Variants in COL14A1 observed in about 807,000 individuals in gnomAD.
COL14A1 encodes collagen type XIV alpha 1 chain.
A neutral mutation model predicts 230.3 loss-of-function variants in COL14A1; 136 were observed. The ratio of observed to expected loss-of-function variants is 0.59; its 90% CI spans 0.51 to 0.68. The LOEUF (loss-of-function observed/expected upper bound fraction) is 0.68. Among genes scored for constraint, COL14A1 ranks in the 30% least tolerant of loss-of-function variants. The probability of loss-of-function intolerance (pLI) is 0.00; values close to 1 mark genes in which losing one functional copy is unlikely to be tolerated. For missense variants in COL14A1, 1,976 were observed against 2,215.8 expected, an observed-to-expected ratio of 0.89 and a Z score of 2.17; for synonymous variants, 792 against 784.1, an observed-to-expected ratio of 1.01 and a Z score of -0.17.
At chr8:120,157,000 G>A (rs1025810135) in intron 2 of COL14A1, among the ~76,000 whole-genome samples, 7 of 152,162 alleles carry the variant, frequency 4.6e-5, no homozygotes, top group African/African-American at 1.7e-4. Flanking sequence ...TTTCCATGAA[G>A]TATTAACTTT....
chr8:120,163,011 G>A (rs1815735800), intron 4 of COL14A1, among the ~76,000 whole-genome samples: 1 of 152,176 alleles, frequency 6.6e-6, no homozygotes, highest in African/African-American at 2.4e-5. Flanking sequence ...TTACAGGCCT[G>A]GCATATAATG....
chr8:120,259,807 G>A (rs553520906), intron 23 of COL14A1, among the ~76,000 whole-genome samples: 5 of 152,204 alleles, frequency 3.3e-5, no homozygotes, highest in African/African-American at 1.2e-4. Flanking sequence ...TATGATCCAC[G>A]CATAAAATTC....
In COL14A1 at chr8:120,263,702, C is replaced by T. The variant is rs147964476; in HGVS notation, c.3016+688C>T. ...TATGTTGAATTTAAACTTGAAATTCCGGGAGGATTTGTGTCTGAATAGGTG... is the reference window on the plus strand; with the variant it reads ...TATGTTGAATTTAAACTTGAAATTCTGGGAGGATTTGTGTCTGAATAGGTG... On this transcript the variant is annotated intron_variant, in intron 24 of 47. Coordinates refer to ENST00000297848, the MANE Select transcript of COL14A1 (RefSeq NM_021110.4). Among the ~76,000 whole-genome samples, 9 of 151,814 alleles carry T rather than the reference C, an allele frequency of 5.9e-5. No individual in the cohort carries two copies. The East Asian group carries it at 9.7e-4, about 16-fold the overall frequency.
intron 1 of COL14A1, among the ~76,000 whole-genome samples, chr8:120,146,417 A>G (rs1222389594): frequency 6.8e-6 from 1 of 147,882 alleles, no homozygotes; most frequent in Non-Finnish European, 1.5e-5. Context: ...TTTTAAGCCA[A>G]ATTCAGCAAC....
At chr8:120,324,318 T>C (rs1821577551) in intron 40 of COL14A1, among the ~76,000 whole-genome samples, 1 of 152,210 alleles carries the variant, frequency 6.6e-6, no homozygotes, top group African/African-American at 2.4e-5. Context: ...TGTGCATATA[T>C]ACATATACAT....
chr8:120,184,490 A>G (rs1816583943), intron 5 of COL14A1, among the ~76,000 whole-genome samples: 1 of 152,020 alleles, frequency 6.6e-6, no homozygotes, highest in Non-Finnish European at 1.5e-5. Context: ...GCTGGCCTCA[A>G]GTGACCTGCC....
chr8:120,370,721 TCCTCTC>T, intron 47 of COL14A1: 2 of 1,400,502 alleles, frequency 1.4e-6, no homozygotes, highest in Non-Finnish European at 1.9e-6. Flanking sequence ...TCTTCCTCCT[TCCTCTC>T]CCCACACAGG....
At chr8:120,274,057 G>A (rs1700174568) in intron 26 of COL14A1, among the ~76,000 whole-genome samples, 1 of 151,758 alleles carries the variant, frequency 6.6e-6, no homozygotes. Context: ...CATCCCTTGT[G>A]AACATAGACG....
chr8:120,207,852 A>C (rs1817489358), intron 10 of COL14A1, among the ~76,000 whole-genome samples: 1 of 152,160 alleles, frequency 6.6e-6, no homozygotes, highest in South Asian at 2.1e-4. Flanking sequence ...AAAAAAAAAA[A>C]AAAAGATCCG....
chr8:120,161,217 A>C (rs1459974650), intron 3 of COL14A1, among the ~76,000 whole-genome samples: 1 of 152,350 alleles, frequency 6.6e-6, no homozygotes, highest in South Asian at 2.1e-4. Context: ...TATTAATTTT[A>C]TTGGCATATG....
At chr8:120,164,384 G>T (rs369449994) in intron 4 of COL14A1, among the ~76,000 whole-genome samples, 85 of 152,200 alleles carry the variant, frequency 5.6e-4, no homozygotes, top group African/African-American at 1.9e-3. Context: ...GTGCAGCAAT[G>T]TTCTATCTAG....
At position 120,158,237 on chromosome 8, in the gene COL14A1, C is replaced by T; in HGVS notation, c.196C>T (p.Pro66Ser). ...TGGTGGTTACAAACTTCTTGTGACT[C>T]CAACTTCAGGTAAAAACAATTGACT... is the stretch of plus-strand genomic sequence containing the variant. ...KFGGYKLLVT[P>S]TSGGKTNQLN... is the part of the protein sequence containing the mutation. The change falls in exon 3 of 48, where the codon CCA becomes TCA. Residue 66 changes from proline to serine, a missense_variant. Pro to Ser is a moderately conservative substitution (Grantham distance 74). This residue lies in a region of COL14A1 where 181 missense variants were observed against 178.6 expected (regional missense o/e 1.01). Transcript: ENST00000297848. 4 of 1,575,894 alleles carry T rather than the reference C, an allele frequency of 2.5e-6. No homozygotes were observed. In the South Asian group the frequency reaches 3.3e-5, roughly 13 times the overall value.
intron 29 of COL14A1, among the ~76,000 whole-genome samples, chr8:120,280,468 G>A (rs568623573): frequency 6.6e-6 from 1 of 152,288 alleles, no homozygotes; most frequent in Non-Finnish European, 1.5e-5. Context: ...GCTCTCAGGT[G>A]ATAACCACTG....
chr8:120,341,448 C>A, intron 43 of COL14A1, 88 bp downstream of exon 43: 1 of 1,306,808 alleles, frequency 7.7e-7, no homozygotes, highest in Non-Finnish European at 1.1e-6. Flanking sequence ...CATTTAATAC[C>A]ATTAATATTC....
chr8:120,369,144 G>A (rs1823503659), intron 46 of COL14A1, among the ~76,000 whole-genome samples, 186 bp from the exon 47 acceptor site: 1 of 152,236 alleles, frequency 6.6e-6, no homozygotes, highest in Admixed American at 6.5e-5. Context: ...AGGAGGATAA[G>A]TGATTACACT....
intron 5 of COL14A1, among the ~76,000 whole-genome samples, chr8:120,191,109 C>T (rs1816809092): frequency 7.2e-6 from 1 of 137,986 alleles, no homozygotes; most frequent in Non-Finnish European, 1.5e-5. Context: ...TTTGCTCTTG[C>T]TTTTCTAGTT....
chr8:120,260,222 T>A (rs952575273), intron 23 of COL14A1, among the ~76,000 whole-genome samples: 1 of 152,114 alleles, frequency 6.6e-6, no homozygotes, highest in Non-Finnish European at 1.5e-5. Flanking sequence ...TTTTTAAAAG[T>A]CTATATTTGT....
At chr8:120,173,587 C>CTATCTATCT (rs1554601696) in intron 5 of COL14A1, among the ~76,000 whole-genome samples, 1 of 148,988 alleles carries the variant, frequency 6.7e-6, no homozygotes, top group Non-Finnish European at 1.5e-5. Flanking sequence ...ATCTATCTAT[C>CTATCTATCT]ATTTATCATC....
chr8:120,282,955 C>T (rs1820084345), intron 31 of COL14A1, among the ~76,000 whole-genome samples: 1 of 152,100 alleles, frequency 6.6e-6, no homozygotes, highest in Non-Finnish European at 1.5e-5. Flanking sequence ...GGTATGGCCC[C>T]TCAGATCTGT....
Sources: gnomAD v4.1 joint callset for allele counts (sites outside exome capture counted in the v4.1 genomes callset) on GRCh38, gnomAD v4.1.1 for gene constraint, gnomAD v4.1.1 regional missense constraint, MANE v1.5 for transcripts, NCBI Gene and HGNC (gene_info 2026-07-23, HGNC 2026-07-21) for gene names.